Variants in LARP1B observed in about 807,000 individuals in gnomAD.
LARP1B encodes the protein la-related protein 1B.
Under a neutral mutation model 114.2 loss-of-function variants are expected in LARP1B, and 76 were observed. That is an observed-to-expected ratio of 0.67 (90% CI 0.55 to 0.81). The LOEUF is 0.81. LARP1B is among the 30% of genes least tolerant of loss of function. The pLI, the probability that LARP1B is intolerant of heterozygous loss-of-function variation, is 0.00. For missense variants in LARP1B, 1,014 were observed against 1,075.8 expected (o/e 0.94, Z 0.80); for synonymous variants, 345 against 348.0 (o/e 0.99, Z 0.10).
At position 128,184,922 on chromosome 4, in the gene LARP1B, T is replaced by C. The variant is rs539885079; in HGVS notation, c.2003+5410T>C. Reference sequence around the variant, plus strand: ...CTGCAAATGACATAATTCTTTTTTATGGCTGAATAGTATTCCATTGTGTAT... The same window carrying C: ...CTGCAAATGACATAATTCTTTTTTACGGCTGAATAGTATTCCATTGTGTAT... On this transcript the variant is annotated intron_variant, in intron 15 of 19. Transcript: ENST00000326639. Among the ~76,000 whole-genome samples, 15 of 152,358 alleles carry C rather than the reference T, an allele frequency of 9.8e-5. No individual in the cohort carries two copies. The East Asian group carries it at 2.9e-3, about 29-fold the overall frequency.
At chr4:128,172,856 T>C (rs1338658754) in intron 12 of LARP1B, among the ~76,000 whole-genome samples, 1 of 152,058 alleles carries the variant, frequency 6.6e-6, no homozygotes, top group African/African-American at 2.4e-5. Context: ...TTTTACTCTG[T>C]TTTTGTTTTA....
Position 128,109,486 on chromosome 4 carries a change from T to A in LARP1B, c.988+2173T>A, listed in dbSNP as rs573488540. Among the ~76,000 whole-genome samples, 9 of 152,234 alleles carry A rather than the reference T, an allele frequency of 5.9e-5. No individual in the cohort carries two copies. The South Asian group carries it at 1.9e-3, about 32-fold the overall frequency. ...GGGTTGAACTGAGCAGAAGTCTACC[T>A]TTATGCACCAGAAAACATTGATTAT... On this transcript the variant is annotated intron_variant, in intron 9 of 19. Transcript: ENST00000326639.
intron 7 of LARP1B, among the ~76,000 whole-genome samples, 179 bp downstream of exon 7, chr4:128,091,691 G>A (rs1775977563): frequency 6.6e-6 from 1 of 152,006 alleles, no homozygotes. Context: ...CTGCCTCCTG[G>A]GTTCAAGTGA....
intron 11 of LARP1B, chr4:128,155,569 C>G: frequency 1.2e-6 from 1 of 827,194 alleles, no homozygotes; most frequent in South Asian, 1.3e-5. Flanking sequence ...TTTTCTGGGG[C>G]CCAGCAGTTG....
intron 1 of LARP1B, among the ~76,000 whole-genome samples, chr4:128,071,059 T>G (rs1765110216): frequency 6.6e-6 from 1 of 152,078 alleles, no homozygotes. Context: ...TTATTTTTTA[T>G]TTTTTGAGAC....
intron 12 of LARP1B, among the ~76,000 whole-genome samples, chr4:128,164,877 A>G (rs1225270240): frequency 6.6e-6 from 1 of 152,186 alleles, no homozygotes; most frequent in Non-Finnish European, 1.5e-5. Flanking sequence ...AGAATGTATT[A>G]TAAGATGTGG....
At chr4:128,200,313 G>A (rs1755550461) in intron 16 of LARP1B, among the ~76,000 whole-genome samples, 2 of 152,104 alleles carry the variant, frequency 1.3e-5, no homozygotes, top group Admixed American at 1.3e-4. Flanking sequence ...CTTAAGGAGT[G>A]TCCAGTCTAG....
intron 11 of LARP1B, among the ~76,000 whole-genome samples, chr4:128,125,934 A>G (rs551021431): frequency 6.6e-6 from 1 of 152,250 alleles, no homozygotes; most frequent in Admixed American, 6.5e-5. Flanking sequence ...CACCTAGCAT[A>G]TGAAAATAAA....
chr4:128,130,075 G>C (rs1791079421), intron 11 of LARP1B, among the ~76,000 whole-genome samples: 1 of 152,160 alleles, frequency 6.6e-6, no homozygotes, highest in African/African-American at 2.4e-5. Context: ...AAGGCCAGGT[G>C]CAGTGAGTGG....
chr4:128,098,351 C>T (rs775226490), intron 8 of LARP1B, 21 bp downstream of exon 8: 39 of 1,575,764 alleles, frequency 2.5e-5, no homozygotes, highest in Non-Finnish European at 3.2e-5. Flanking sequence ...ATTTGATGAA[C>T]AATTTGTACT....
At chr4:128,190,833 G>C (rs1578531548) in intron 15 of LARP1B, among the ~76,000 whole-genome samples, 1 of 152,248 alleles carries the variant, frequency 6.6e-6, no homozygotes, top group East Asian at 1.9e-4. Flanking sequence ...CTGACCTTCT[G>C]TACCTAGATA....
At chr4:128,080,354 A>T (rs1579965946) in intron 4 of LARP1B, among the ~76,000 whole-genome samples, 1 of 152,270 alleles carries the variant, frequency 6.6e-6, no homozygotes, top group Non-Finnish European at 1.5e-5. Context: ...AGTTAGAACA[A>T]TTGGTATAAT....
chr4:128,112,014 G>A (rs1784286243), intron 9 of LARP1B, among the ~76,000 whole-genome samples: 1 of 151,132 alleles, frequency 6.6e-6, no homozygotes, highest in Admixed American at 6.6e-5. Context: ...AAAGTTTCAT[G>A]TATGGTTCAT....
rs373439906 is a variant in LARP1B, at chr4:128,162,287, G to T, written c.1618G>T (p.Val540Phe). The T allele has an allele frequency of 1.9e-6, 3 of 1,613,106 alleles. No individual in the cohort carries two copies. The highest frequency in any genetic ancestry group is 2.5e-6 in the Non-Finnish European group (3 of 1,179,404). ...ACTTCCTTTTGAGCCAAACCAAGAA[G>T]TTCCTGTAGCACCTTCACAGTCCAG... is the stretch of plus-strand genomic sequence containing the variant. The part of the protein sequence containing the change: ...PELPFEPNQE[V>F]PVAPSQSRQG... The change falls in exon 12 of 20, where the codon GTT becomes TTT. Residue 540 changes from valine to phenylalanine, a missense_variant. By Grantham distance (50) the Val-to-Phe change is conservative. Transcript: ENST00000326639.
intron 7 of LARP1B, among the ~76,000 whole-genome samples, chr4:128,095,038 A>AC (rs1777394172): frequency 6.6e-6 from 1 of 152,130 alleles, no homozygotes; most frequent in Non-Finnish European, 1.5e-5. Context: ...GACGTGAGCC[A>AC]CCGTGCCCTG....
At chr4:128,084,755 G>A (rs1403753844) in intron 5 of LARP1B, among the ~76,000 whole-genome samples, 2 of 152,218 alleles carry the variant, frequency 1.3e-5, no homozygotes, top group African/African-American at 4.8e-5. Flanking sequence ...GATTACCCCT[G>A]TAACTTTGAT....
At chr4:128,152,499 G>A (rs770032586) in intron 11 of LARP1B, among the ~76,000 whole-genome samples, 5 of 151,828 alleles carry the variant, frequency 3.3e-5, no homozygotes, top group African/African-American at 4.8e-5. Context: ...ACTGCGCCCG[G>A]CCAACATGGT....
chr4:128,219,286 C>T (rs1485658732), intron 6 of LARP1B, among the ~76,000 whole-genome samples: 2 of 115,750 alleles, frequency 1.7e-5, no homozygotes, highest in African/African-American at 6.8e-5. Flanking sequence ...CCAGCCATCC[C>T]ATTACTGGGT....
At chr4:128,158,217 G>T (rs1234833317) in intron 11 of LARP1B, among the ~76,000 whole-genome samples, 1 of 152,080 alleles carries the variant, frequency 6.6e-6, no homozygotes, top group Non-Finnish European at 1.5e-5. Context: ...GTGGGAGATT[G>T]TAACACACAC....
Sources: allele counts gnomAD v4.1 joint callset (sites outside exome capture counted in the v4.1 genomes callset), GRCh38; gene constraint gnomAD v4.1.1; transcripts MANE v1.5; gene names NCBI Gene and HGNC (gene_info 2026-07-23, HGNC 2026-07-21).